PDE11A: variants seen among roughly 807,000 people sequenced by gnomAD.
PDE11A encodes dual 3',5'-cyclic-AMP and -GMP phosphodiesterase 11A.
In PDE11A, 100 loss-of-function variants were observed where a neutral mutation model predicts 100.5. The ratio of observed to expected loss-of-function variants is 1.00; its 90% CI spans 0.85 to 1.18. The LOEUF (loss-of-function observed/expected upper bound fraction) is 1.18, where lower values mean the gene tolerates loss of function less well. Ranked by LOEUF, PDE11A falls within the 50% of genes most tolerant of loss-of-function variation. The pLI is 0.00. For missense variants in PDE11A, 1,141 were observed against 1,152.6 expected, an observed-to-expected ratio of 0.99 and a Z score of 0.15; for synonymous variants, 381 against 420.8, an observed-to-expected ratio of 0.91 and a Z score of 1.16.
intron 10 of PDE11A, among the ~76,000 whole-genome samples, chr2:177,743,459 C>T (rs537447860): frequency 6.6e-6 from 1 of 152,262 alleles, no homozygotes; most frequent in East Asian, 1.9e-4. Flanking sequence ...ATGCCTTGAA[C>T]TGTGCAAGCA....
chr2:177,685,238 C>T (rs1355437161), intron 15 of PDE11A, among the ~76,000 whole-genome samples: 2 of 152,180 alleles, frequency 1.3e-5, no homozygotes, highest in Admixed American at 6.5e-5. Flanking sequence ...CACCTAGATC[C>T]TAATTTTTCT....
chr2:177,750,765 A>G (rs61560417), intron 10 of PDE11A, among the ~76,000 whole-genome samples: 4,339 of 152,328 alleles, frequency 0.028, 190 homozygotes, highest in African/African-American at 0.099. Flanking sequence ...TATTTAATAT[A>G]GCATTTAAAA....
rs1574116874 is a variant in PDE11A at position 177,763,022 on chromosome 2, T to C, written c.1788+6301A>G. ...AGAGTGACAAAGTACAACCATCCTT[T>C]TTCTGATGTGGCATTTGATTAAGAC... On this transcript the variant is annotated intron_variant, in intron 10 of 19. Transcript: ENST00000286063. 3.3e-5 allele frequency among the ~76,000 whole-genome samples: 5 copies of C among 152,218 alleles called. No individual in the cohort carries two copies. The South Asian group carries it at 1.0e-3, about 32-fold the overall frequency.
At chr2:177,886,067 C>T (rs1471162053) in intron 4 of PDE11A, among the ~76,000 whole-genome samples, 1 of 152,130 alleles carries the variant, frequency 6.6e-6, no homozygotes, top group East Asian at 1.9e-4. Flanking sequence ...ATTCACTTTC[C>T]TTGACTACAC....
At chr2:177,767,238 G>C (rs1331189922) in intron 10 of PDE11A, among the ~76,000 whole-genome samples, 3 of 152,160 alleles carry the variant, frequency 2.0e-5, no homozygotes, top group Non-Finnish European at 4.4e-5. Flanking sequence ...GCTGAAGCAG[G>C]AGAATCACTT....
intron 6 of PDE11A, among the ~76,000 whole-genome samples, chr2:177,835,116 C>CACTG (rs1167415578): frequency 1.3e-5 from 2 of 152,150 alleles, no homozygotes; most frequent in African/African-American, 4.8e-5. Context: ...GTGGAAGCTG[C>CACTG]ACTGACACCT....
chr2:177,711,494 GA>G (rs1429803875), intron 13 of PDE11A, among the ~76,000 whole-genome samples: 2 of 152,138 alleles, frequency 1.3e-5, no homozygotes, highest in Non-Finnish European at 2.9e-5. Flanking sequence ...ATTCTGGGAG[GA>G]AAAAAGTAGA....
intron 1 of PDE11A, among the ~76,000 whole-genome samples, chr2:178,060,514 C>T (rs1413690568): frequency 6.6e-6 from 1 of 152,114 alleles, no homozygotes; most frequent in African/African-American, 2.4e-5. Flanking sequence ...TTGGCAACCT[C>T]TTAAGACAGA....
intron 2 of PDE11A, among the ~76,000 whole-genome samples, chr2:177,988,903 T>C (rs1213165812): frequency 2.0e-5 from 3 of 152,210 alleles, no homozygotes; most frequent in African/African-American, 7.2e-5. Context: ...TCCCGTTATT[T>C]TTACTTTGCT....
intron 19 of PDE11A, among the ~76,000 whole-genome samples, chr2:177,655,052 G>A (rs1017495370): frequency 5.3e-5 from 8 of 152,076 alleles, no homozygotes; most frequent in Non-Finnish European, 1.0e-4. Context: ...AAAGAGTTAC[G>A]TATGTTGGTC....
intron 1 of PDE11A, among the ~76,000 whole-genome samples, chr2:178,066,413 CT>C (rs1158483790): frequency 1.0e-3 from 156 of 152,274 alleles, no homozygotes; most frequent in African/African-American, 3.8e-3. Flanking sequence ...TGAATTTGTG[CT>C]TTGTAAGCAT....
At chr2:177,768,764 C>A (rs1278909901) in intron 10 of PDE11A, among the ~76,000 whole-genome samples, 1 of 152,154 alleles carries the variant, frequency 6.6e-6, no homozygotes, top group Non-Finnish European at 1.5e-5. Flanking sequence ...AGTTCTGGGA[C>A]CAGATTGTCA....
chr2:177,810,043 T>C (rs1215871148), intron 9 of PDE11A, among the ~76,000 whole-genome samples: 1 of 152,062 alleles, frequency 6.6e-6, no homozygotes, highest in Non-Finnish European at 1.5e-5. Flanking sequence ...CCATGGAAGA[T>C]GGTATCTAGG....
chr2:177,862,638 G>T (rs1056263582), intron 5 of PDE11A, among the ~76,000 whole-genome samples: 2 of 151,822 alleles, frequency 1.3e-5, no homozygotes, highest in African/African-American at 4.8e-5. Flanking sequence ...GGAGGTGAAA[G>T]ATCTGTACAC....
At chr2:178,054,005 A>T (rs2086865041) in intron 1 of PDE11A, among the ~76,000 whole-genome samples, 1 of 152,160 alleles carries the variant, frequency 6.6e-6, no homozygotes. Flanking sequence ...AATTGGAAAA[A>T]ACTACTTTAA....
At chr2:177,759,050 T>G (rs1167846116) in intron 10 of PDE11A, among the ~76,000 whole-genome samples, 1 of 152,182 alleles carries the variant, frequency 6.6e-6, no homozygotes, top group Admixed American at 6.5e-5. Context: ...TCTCAGACCC[T>G]GTTTTCTCAG....
intron 2 of PDE11A, among the ~76,000 whole-genome samples, chr2:178,086,946 A>G (rs763811085): frequency 2.0e-5 from 3 of 152,240 alleles, no homozygotes; most frequent in Non-Finnish European, 4.4e-5. Flanking sequence ...AGGAAAAGAA[A>G]TAATTGTAAC....
intron 1 of PDE11A, among the ~76,000 whole-genome samples, chr2:178,044,355 A>G (rs929825301): frequency 8.1e-5 from 12 of 148,710 alleles, no homozygotes; most frequent in African/African-American, 2.9e-4. Flanking sequence ...ATATAGATAT[A>G]TAAACTTTAT....
chr2:177,697,390 C>T lies in PDE11A; in HGVS notation c.2287G>A (p.Asp763Asn). The change falls in exon 15 of 20, where the codon GAC (aspartate) becomes AAC (asparagine). Residue 763 changes from aspartate (D) to asparagine (N), a missense_variant. By Grantham distance (23) the Asp-to-Asn change is conservative. Coordinates refer to ENST00000286063, the MANE Select transcript of PDE11A (RefSeq NM_016953.4). ...GACTGCTTCAAAAGCTGCATAAGGT[C>T]ACTATATTCCTTGGAGGACAGGTTA... is the stretch of plus-strand genomic sequence containing the variant. ...FANLSSKEYS[D>N]LMQLLKQSIL... The T allele has an allele frequency of 1.2e-6, 2 of 1,601,682 alleles. No individual in the cohort carries two copies. Among genetic ancestry groups the T allele is most frequent in the Non-Finnish European group, 1.7e-6 (2 of 1,168,958 alleles).
Sources: allele counts gnomAD v4.1 joint callset (sites outside exome capture counted in the v4.1 genomes callset), GRCh38; gene constraint gnomAD v4.1.1; transcripts MANE v1.5; gene names NCBI Gene and HGNC (gene_info 2026-07-23, HGNC 2026-07-21).